Variants in TBC1D32 observed in about 807,000 individuals in gnomAD.
TBC1D32 encodes the protein TBC1 domain family member 32.
In TBC1D32, 151 loss-of-function variants were observed where a neutral mutation model predicts 170.3. The observed-to-expected ratio is 0.89, with a 90% CI of 0.78 to 1.01. The LOEUF is 1.01. Among genes scored for constraint, TBC1D32 ranks in the 50% least tolerant of loss-of-function variants. TBC1D32 has a pLI of 0.00. For missense variants in TBC1D32, 1,464 were observed against 1,457.1 expected (o/e 1.00, Z -0.08); for synonymous variants, 498 against 488.0 (o/e 1.02, Z -0.27).
At chr6:121,265,479 T>C (rs1025918973) in intron 15 of TBC1D32, among the ~76,000 whole-genome samples, 4 of 151,966 alleles carry the variant, frequency 2.6e-5, no homozygotes, top group Non-Finnish European at 4.4e-5. Context: ...AAAATGGCCA[T>C]ACTGCCCAAA....
At chr6:121,200,280 T>C (rs868078962) in intron 22 of TBC1D32, among the ~76,000 whole-genome samples, 3 of 151,370 alleles carry the variant, frequency 2.0e-5, no homozygotes, top group African/African-American at 4.9e-5. Context: ...ATCTTTAGCA[T>C]TGAAGATAAT....
At chr6:121,221,770 T>C (rs1352106515) in intron 21 of TBC1D32, among the ~76,000 whole-genome samples, 4 of 152,214 alleles carry the variant, frequency 2.6e-5, no homozygotes, top group Admixed American at 1.3e-4. Context: ...TTGAGTGGTT[T>C]CTTATGGATG....
At chr6:121,160,201 T>C in intron 23 of TBC1D32, 98 bp from the exon 24 acceptor site, 2 of 811,410 alleles carry the variant, frequency 2.5e-6, no homozygotes, top group East Asian at 5.1e-5. Flanking sequence ...CTGGCTTTTC[T>C]TGCTCATAAA....
intron 15 of TBC1D32, among the ~76,000 whole-genome samples, chr6:121,261,279 G>C (rs1799733677): frequency 6.6e-6 from 1 of 152,202 alleles, no homozygotes. Flanking sequence ...CTGCCAAGGA[G>C]CAGTCAAAGT....
chr6:121,095,899 G>C (rs1018904035), intron 30 of TBC1D32: 1 of 151,966 alleles, frequency 6.6e-6, no homozygotes, highest in Admixed American at 6.6e-5. Context: ...TTTCTTTTTT[G>C]TGTGTGTCTC....
intron 1 of TBC1D32, among the ~76,000 whole-genome samples, chr6:121,333,991 C>T (rs1811539266): frequency 6.6e-6 from 1 of 152,048 alleles, no homozygotes; most frequent in Non-Finnish European, 1.5e-5. Context: ...CGCTTGAACC[C>T]GGGAGGCGGA....
At position 121,303,716 on chromosome 6, in the gene TBC1D32, A is replaced by C. The variant is rs1480417590; in HGVS notation, c.981T>G (p.Val327=). ...AGACAACATGGCTTTGATTATGTTT[A>C]ACTGTTAACAAGGACAAAGTACTCT... is the stretch of plus-strand genomic sequence containing the variant. ...IVESTLSLLT[V]KHNQSHVVSQ... Residue 327 remains valine (V), a synonymous_variant, in exon 9 of 32, where the codon GTT becomes GTG. Coordinates refer to ENST00000398212, the MANE Select transcript of TBC1D32 (RefSeq NM_152730.6). The C allele has an allele frequency of 1.0e-5, 16 of 1,590,640 alleles. No individual in the cohort carries two copies. Among genetic ancestry groups the C allele is most frequent in the Non-Finnish European group, 1.3e-5 (15 of 1,164,912 alleles).
chr6:121,100,003 A>C (rs1022948319), intron 30 of TBC1D32, among the ~76,000 whole-genome samples: 2 of 151,774 alleles, frequency 1.3e-5, no homozygotes, highest in Admixed American at 6.6e-5. Context: ...CAAGTTTTAA[A>C]TTAAAGAGTA....
At chr6:121,128,901 GT>G (rs1430128857) in intron 25 of TBC1D32, among the ~76,000 whole-genome samples, 1 of 152,134 alleles carries the variant, frequency 6.6e-6, no homozygotes, top group Non-Finnish European at 1.5e-5. Flanking sequence ...CCTTTGGGAA[GT>G]GAGCAAGTCA....
At chr6:121,081,196 A>G (rs1168755887) in intron 31 of TBC1D32, among the ~76,000 whole-genome samples, 1 of 152,220 alleles carries the variant, frequency 6.6e-6, no homozygotes, top group African/African-American at 2.4e-5. Flanking sequence ...ATGTTATACA[A>G]TGATTGTTCA....
In TBC1D32 at chr6:121,334,274, A is replaced by G. The variant is rs1010964324; in HGVS notation, c.155+2T>C. On this transcript the variant is annotated splice_donor_variant, in intron 1 of 31. Transcript: ENST00000398212. LOFTEE classifies it high-confidence loss of function. ...GGCTTAAAACATCAAAAGCAATTTTACTTGTGAAAATTTTCATCAGTTTCC... is the reference window on the plus strand; with the variant it reads ...GGCTTAAAACATCAAAAGCAATTTTGCTTGTGAAAATTTTCATCAGTTTCC... 15 of 1,613,470 alleles carry G rather than the reference A, an allele frequency of 9.3e-6. No homozygotes were observed. Among genetic ancestry groups the G allele is most frequent in the Non-Finnish European group, 1.3e-5 (15 of 1,179,572 alleles).
rs371909724 is a variant in TBC1D32 at position 121,304,179 on chromosome 6, A to G, written c.935+186T>C. On this transcript the variant is annotated intron_variant, in intron 8 of 31. Coordinates refer to ENST00000398212, the MANE Select transcript of TBC1D32 (RefSeq NM_152730.6). ...ATAAATGATGTAAAGTGGTACCTGT[A>G]TACAGTAATTCACATAGCTAAGTAT... 8.5e-5 allele frequency among the ~76,000 whole-genome samples: 13 copies of G among 152,062 alleles called. No individual in the cohort carries two copies. The East Asian group carries it at 2.3e-3, about 27-fold the overall frequency.
rs771787901 is a variant in TBC1D32 at position 121,160,954 on chromosome 6, G to C, written c.2673C>G (p.Leu891=). The C allele has an allele frequency of 6.0e-5, 97 of 1,612,934 alleles. 1 individual carries two copies. The highest frequency in any genetic ancestry group is 7.5e-5 in the Non-Finnish European group (89 of 1,179,250). ...CTCTTTGCCCCACACTCACCTTTTC[G>C]AGTAACCTCGGAGGCAAAATCCGTT... The part of the protein sequence containing the change: ...PLERILPPRL[L]EKSDNPYPWP... Residue 891 remains leucine, a synonymous_variant, in exon 23 of 32, where the codon CTC becomes CTG. Transcript: ENST00000398212.
intron 1 of TBC1D32, among the ~76,000 whole-genome samples, chr6:121,331,041 G>C (rs2128517264): frequency 6.6e-6 from 1 of 152,268 alleles, no homozygotes; most frequent in Non-Finnish European, 1.5e-5. Flanking sequence ...CAAATGTCTA[G>C]ATATGGCTGT....
At chr6:121,171,866 A>G (rs1787058922) in intron 22 of TBC1D32, among the ~76,000 whole-genome samples, 1 of 152,156 alleles carries the variant, frequency 6.6e-6, no homozygotes, top group South Asian at 2.1e-4. Context: ...GGTCTCTCTG[A>G]AAGGTGGTAT....
At chr6:121,315,605 A>G (rs909354444) in intron 3 of TBC1D32, among the ~76,000 whole-genome samples, 1 of 152,192 alleles carries the variant, frequency 6.6e-6, no homozygotes, top group East Asian at 1.9e-4. Flanking sequence ...TCAAAACAGT[A>G]ACATCAGCAT....
At chr6:121,253,946 T>C (rs1305846300) in intron 17 of TBC1D32, among the ~76,000 whole-genome samples, 1 of 152,054 alleles carries the variant, frequency 6.6e-6, no homozygotes, top group Non-Finnish European at 1.5e-5. Context: ...AGCATGTTTA[T>C]AGGAGCACAA....
chr6:121,082,225 G>C (rs1463838451), intron 31 of TBC1D32, among the ~76,000 whole-genome samples: 2 of 151,954 alleles, frequency 1.3e-5, no homozygotes, highest in African/African-American at 4.8e-5. Context: ...TTATGTATAA[G>C]TAACTGAGTC....
chr6:121,287,960 C>T (rs1804151479), intron 12 of TBC1D32, among the ~76,000 whole-genome samples: 1 of 152,214 alleles, frequency 6.6e-6, no homozygotes, highest in Admixed American at 6.5e-5. Context: ...CCAATGAGAA[C>T]AAAGACACAA....
Sources: allele counts gnomAD v4.1 joint callset (sites outside exome capture counted in the v4.1 genomes callset), GRCh38; gene constraint gnomAD v4.1.1; transcripts MANE v1.5; gene names NCBI Gene and HGNC (gene_info 2026-07-23, HGNC 2026-07-21).